NF1: variants seen among roughly 807,000 people sequenced by gnomAD.
NF1 encodes neurofibromin.
NF1 carries 122 observed loss-of-function variants against 325.7 expected under a neutral mutation model. The observed-to-expected ratio is 0.37, with a 90% CI of 0.32 to 0.44. The LOEUF is 0.44. NF1 is among the 20% of genes least tolerant of loss of function. NF1 has a pLI of 1.00. For missense variants in NF1, 2,140 were observed against 3,415.4 expected (o/e 0.63, Z 9.31); for synonymous variants, 1,091 against 1,186.0 (o/e 0.92, Z 1.65).
rs2151573014 is a variant in NF1, at chr17:31,349,260, AC to A, written c.7321+10del. ...CGTGGCCTACTTAGCAGGTAAAAACACAAAATAAACAAAATTAATCTTGCTA... is the reference window on the plus strand; with the variant it reads ...CGTGGCCTACTTAGCAGGTAAAAACAAAAATAAACAAAATTAATCTTGCTA... On this transcript the variant is annotated intron_variant, in intron 49 of 57. Coordinates refer to ENST00000358273, the MANE Select transcript of NF1 (RefSeq NM_001042492.3). 6.2e-7 allele frequency: 1 copy of A among 1,610,134 alleles called. No individual in the cohort carries two copies. Among genetic ancestry groups the A allele is most frequent in the Non-Finnish European group, 8.5e-7 (1 of 1,178,964 alleles).
At chr17:31,348,991 T>A in intron 48 of NF1, 129 bp from the exon 49 acceptor site, 2 of 1,181,262 alleles carry the variant, frequency 1.7e-6, no homozygotes, top group Non-Finnish European at 2.4e-6. Flanking sequence ...CAAATGGCTA[T>A]TCTTGGAAAG....
intron 1 of NF1, among the ~76,000 whole-genome samples, chr17:31,143,975 C>T (rs1916411931): frequency 6.6e-6 from 1 of 152,110 alleles, no homozygotes; most frequent in African/African-American, 2.4e-5. Context: ...GCGCCTGCCA[C>T]GACGCCCAGC....
chr17:31,206,946 C>T (rs2066635232), intron 12 of NF1, among the ~76,000 whole-genome samples: 1 of 152,042 alleles, frequency 6.6e-6, no homozygotes, highest in Non-Finnish European at 1.5e-5. Context: ...ATTGGGTATT[C>T]TCACAGATTA....
At position 31,357,274 on chromosome 17, in the gene NF1, A is replaced by G. The variant is rs763646216; in HGVS notation, c.7875A>G (p.Thr2625=). 4 of 1,613,614 alleles carry G rather than the reference A, an allele frequency of 2.5e-6. No homozygotes were observed. In the African/African-American group the frequency reaches 5.3e-5, roughly 22 times the overall value. ...ACTTTTTTGCATCTTGGCAGGCTAC[A>G]CTGGTAAAATATACCACAGATGAGT... ...IQALLLTVLA[T]LVKYTTDEFD... The change falls in exon 54 of 58, where the codon ACA becomes ACG. Residue 2625 remains threonine (T), a synonymous_variant. Coordinates refer to ENST00000358273, the MANE Select transcript of NF1 (RefSeq NM_001042492.3).
At position 31,178,455 on chromosome 17, in the gene NF1, A is replaced by G. The variant is rs182581900; in HGVS notation, c.587-2967A>G. Among the ~76,000 whole-genome samples, 191 of 152,346 alleles carry G rather than the reference A, an allele frequency of 1.3e-3. 1 individual carries two copies. In the Middle Eastern group the frequency reaches 0.02, roughly 16 times the overall value. On this transcript the variant is annotated intron_variant, in intron 5 of 57. Transcript: ENST00000358273. ...ACCATCTATGCTGTGAAGAAACTGC[A>G]TCAACTAATGGGCTAAATAACCAGC...
chr17:31,299,663 C>T (rs550050126), intron 36 of NF1: 1 of 152,162 alleles, frequency 6.6e-6, no homozygotes, highest in South Asian at 2.1e-4. Flanking sequence ...ATATGGTTGG[C>T]TATTTAGACT....
At chr17:31,184,385 C>G (rs1030570433) in intron 8 of NF1, among the ~76,000 whole-genome samples, 9 of 151,968 alleles carry the variant, frequency 5.9e-5, no homozygotes, top group African/African-American at 2.2e-4. Flanking sequence ...CGCGGTGGCT[C>G]ACGCCTGTAA....
chr17:31,369,982 T>G (rs545335854), intron 57 of NF1, among the ~76,000 whole-genome samples: 1 of 152,356 alleles, frequency 6.6e-6, no homozygotes, highest in Non-Finnish European at 1.5e-5. Flanking sequence ...TATATTTTGG[T>G]GTAAACGTAA....
At chr17:31,198,578 T>C (rs116263351) in intron 8 of NF1, among the ~76,000 whole-genome samples, 186 of 152,180 alleles carry the variant, frequency 1.2e-3, no homozygotes, top group African/African-American at 4.1e-3. Context: ...ATTCTTTTTA[T>C]TTTTGCAAAA....
At chr17:31,268,893 A>G (rs962487014) in intron 36 of NF1, among the ~76,000 whole-genome samples, 1 of 151,400 alleles carries the variant, frequency 6.6e-6, no homozygotes, top group Non-Finnish European at 1.5e-5. Flanking sequence ...TTTTGTAGAG[A>G]TGAGGTTTTG....
At chr17:31,272,908 C>T (rs1240296111) in intron 36 of NF1, 2 of 152,072 alleles carry the variant, frequency 1.3e-5, no homozygotes, top group Admixed American at 1.3e-4. Context: ...AAAAGCTTCC[C>T]TTTCTTTGTT....
At chr17:31,114,404 G>A (rs779639145) in intron 1 of NF1, among the ~76,000 whole-genome samples, 2 of 152,060 alleles carry the variant, frequency 1.3e-5, no homozygotes, top group Non-Finnish European at 2.9e-5. Flanking sequence ...TGGGCGTGGT[G>A]GCGGGTACCT....
At position 31,375,845 on chromosome 17, in the gene NF1, AT is replaced by A. The variant is rs2070724589; in HGVS notation, c.*1696del. 1 of 232,468 alleles carries A rather than the reference AT, an allele frequency of 4.3e-6. No individual in the cohort carries two copies. Among genetic ancestry groups the A allele is most frequent in the South Asian group, 1.8e-4 (1 of 5,524 alleles). The allele number at this position is 232,468 out of a possible 1,614,324, so 14.4% of individuals were successfully genotyped here. On this transcript the variant is annotated 3_prime_UTR_variant, in exon 58 of 58. Coordinates refer to ENST00000358273, the MANE Select transcript of NF1 (RefSeq NM_001042492.3). ...GATACTCAGAAATAACAAGAATTTA[AT>A]TTTTTAAATTTGTTTACAGTCCTGG...
At position 31,336,537 on chromosome 17, in the gene NF1, G is replaced by A. The variant is rs1235978177; in HGVS notation, c.6147+64G>A. 2 of 1,603,924 alleles carry A rather than the reference G, an allele frequency of 1.2e-6. No individual in the cohort carries two copies. Among genetic ancestry groups the A allele is most frequent in the African/African-American group, 2.7e-5 (2 of 73,458 alleles). ...CTGTTTTATCATCAGGAGGTTTTTTGTTTTGTAATTACTTTTAAATTAAAC... is the reference window on the plus strand; with the variant it reads ...CTGTTTTATCATCAGGAGGTTTTTTATTTTGTAATTACTTTTAAATTAAAC... On this transcript the variant is annotated intron_variant, in intron 41 of 57. Coordinates refer to ENST00000358273, the MANE Select transcript of NF1 (RefSeq NM_001042492.3). This position sits in a 1 kb window ranked among gnomAD's most constrained non-coding sequence, Gnocchi z 5.5.
intron 1 of NF1, among the ~76,000 whole-genome samples, chr17:31,144,832 T>TA (rs1351858632): frequency 6.6e-6 from 1 of 152,192 alleles, no homozygotes; most frequent in Non-Finnish European, 1.5e-5. Context: ...CTGGACCTGC[T>TA]AGATGAAAGG....
chr17:31,327,475 C>T (rs2069373935), intron 37 of NF1, 24 bp from the exon 38 acceptor site: 1 of 1,581,096 alleles, frequency 6.3e-7, no homozygotes, highest in Non-Finnish European at 8.7e-7. Context: ...TTCTCCACTT[C>T]ACCCCGTCAC....
At chr17:31,098,720 TC>T (rs1912013081) in intron 1 of NF1, among the ~76,000 whole-genome samples, 2 of 151,904 alleles carry the variant, frequency 1.3e-5, no homozygotes, top group Admixed American at 6.6e-5. Flanking sequence ...GATCATGAGG[TC>T]AGGAGATCGA....
chr17:31,321,039 A>G (rs1354361070), intron 36 of NF1: 5 of 152,190 alleles, frequency 3.3e-5, no homozygotes, highest in African/African-American at 1.2e-4. Flanking sequence ...GTATGACAAA[A>G]TGAGACTTTC....
intron 27 of NF1, among the ~76,000 whole-genome samples, chr17:31,235,173 G>A (rs2067178837): frequency 6.6e-6 from 1 of 152,028 alleles, no homozygotes; most frequent in Admixed American, 6.6e-5. Context: ...TATATATTCA[G>A]TATTCGCTGA....
Sources: allele counts gnomAD v4.1 joint callset (sites outside exome capture counted in the v4.1 genomes callset), GRCh38; gene constraint gnomAD v4.1.1; non-coding constraint Gnocchi (gnomAD v3.1); transcripts MANE v1.5; gene names NCBI Gene and HGNC (gene_info 2026-07-23, HGNC 2026-07-21).